The following BCORL1 variants were observed in gnomAD, a reference collection of about 807,000 sequenced individuals.
BCORL1 encodes BCL6 corepressor like 1.
A neutral mutation model predicts 87.6 loss-of-function variants in BCORL1; 7 were observed. The observed-to-expected ratio is 0.08, with a 90% CI of 0.05 to 0.15. BCORL1 has a LOEUF of 0.15. BCORL1 is among the 10% of genes least tolerant of loss of function. BCORL1 has a pLI of 1.00. For synonymous variants in BCORL1, 591 were observed against 634.4 expected (o/e 0.93, Z 1.03); for missense variants, 1,215 against 1,499.7 (o/e 0.81, Z 3.13).
At chrX:129,990,293 G>A (rs1019634396) in intron 1 of BCORL1, among the ~76,000 whole-genome samples, 23 of 110,271 alleles carry the variant, frequency 2.1e-4, no homozygotes, top group South Asian at 3.9e-4. Context: ...GTGCAGTGGC[G>A]CTATCTCGGC....
intron 1 of BCORL1, 65 bp from the exon 2 acceptor site, chrX:130,005,123 G>T: frequency 3.1e-6 from 2 of 635,363 alleles, no homozygotes; most frequent in Non-Finnish European, 4.9e-6. Context: ...ACATTGCTGT[G>T]TAAAAGGTGA....
chrX:129,993,466 G>T (rs1927333542), intron 1 of BCORL1, among the ~76,000 whole-genome samples: 2 of 112,281 alleles, frequency 1.8e-5, no homozygotes, highest in African/African-American at 6.5e-5. Context: ...CAGGAGGACT[G>T]CTTGAGGCCA....
At chrX:130,008,034 G>A (rs948012543) in intron 2 of BCORL1, among the ~76,000 whole-genome samples, 38 of 109,061 alleles carry the variant, frequency 3.5e-4, no homozygotes, top group African/African-American at 1.2e-3. Context: ...AGTGATTCTC[G>A]TGCATCAGCC....
Position 130,013,831 on chromosome X carries a change from G to T in BCORL1, c.1059G>T (p.Pro353=), listed in dbSNP as rs372535982. The T allele has an allele frequency of 5.2e-6, 6 of 1,164,821 alleles. No individual in the cohort carries two copies. The highest frequency in any genetic ancestry group is 6.9e-6 in the Non-Finnish European group (6 of 873,368). ...ASTPPAAPAP[P]SVPMPTPTPS... Reference sequence around the variant, plus strand: ...CGCCTCCAGCGGCCCCTGCCCCTCCGTCTGTGCCCATGCCCACTCCAACCC... The same window carrying T: ...CGCCTCCAGCGGCCCCTGCCCCTCCTTCTGTGCCCATGCCCACTCCAACCC... The change falls in exon 4 of 14, where the codon CCG becomes CCT. Residue 353 remains proline, a synonymous_variant. Coordinates refer to ENST00000540052, the MANE Select transcript of BCORL1 (RefSeq NM_001379451.1).
intron 4 of BCORL1, among the ~76,000 whole-genome samples, chrX:130,017,646 GTT>G (rs1325113903): frequency 2.0e-5 from 2 of 98,178 alleles, no homozygotes; most frequent in Non-Finnish European, 2.1e-5. Flanking sequence ...CTCTCTTTTT[GTT>G]TTTTTTTTTT....
At chrX:129,987,056 A>G (rs1243172528) in intron 1 of BCORL1, among the ~76,000 whole-genome samples, 3 of 111,406 alleles carry the variant, frequency 2.7e-5, no homozygotes, top group Admixed American at 9.6e-5. Flanking sequence ...GGTGATCATC[A>G]CTGGTCCCAT....
intron 2 of BCORL1, chrX:130,010,537 C>T (rs1293793208): frequency 9.0e-6 from 1 of 110,577 alleles, no homozygotes; most frequent in Non-Finnish European, 1.9e-5. Flanking sequence ...CCTCCCACTT[C>T]TGCCAGTCCA....
intron 1 of BCORL1, among the ~76,000 whole-genome samples, chrX:130,004,090 A>G (rs1430962617): frequency 9.0e-6 from 1 of 111,142 alleles, no homozygotes. Flanking sequence ...AGCTCATTGG[A>G]TAAAGGTTTT....
At chrX:129,984,816 G>A (rs1408826396) in intron 1 of BCORL1, among the ~76,000 whole-genome samples, 4 of 111,932 alleles carry the variant, frequency 3.6e-5, no homozygotes, top group Non-Finnish European at 7.5e-5. Context: ...CTCCCTGAGT[G>A]GAAGCACTAT....
Position 130,052,000 on chromosome X carries a change from G to A in BCORL1, c.5059G>A (p.Val1687Met). 8.3e-7 allele frequency: 1 copy of A among 1,198,619 alleles called. No individual in the cohort carries two copies. Among genetic ancestry groups the A allele is most frequent in the Non-Finnish European group, 1.1e-6 (1 of 889,032 alleles). Residue 1687 changes from valine to methionine, a missense_variant, in exon 13 of 14, where the codon GTG (valine) becomes ATG (methionine). By Grantham distance (21) the Val-to-Met change is conservative. Around this residue, in one of 5 missense-constraint regions of BCORL1, gnomAD observed 129 missense variants for 157.5 expected, o/e 0.82. Coordinates refer to ENST00000540052, the MANE Select transcript of BCORL1 (RefSeq NM_001379451.1). ...KPLLPCYNLQ[V>M]SVSRGPCNWF... ...TCTTCTCCCTTGCTACAACCTCCAA[G>A]TGTCAGTGTCCCGCGGGTAAGTGTC...
intron 10 of BCORL1, among the ~76,000 whole-genome samples, chrX:130,038,913 A>G (rs1931129114): frequency 9.0e-6 from 1 of 111,701 alleles, no homozygotes; most frequent in Admixed American, 9.5e-5. Flanking sequence ...GAGAGAGAGT[A>G]ATGGGAGGGA....
chrX:130,014,293 T>C lies in BCORL1; in HGVS notation c.1521T>C (p.Ser507=), dbSNP rs1314694916. 2 of 1,211,646 alleles carry C rather than the reference T, an allele frequency of 1.7e-6. No individual in the cohort carries two copies. The highest frequency in any genetic ancestry group is 3.0e-5 in the East Asian group (1 of 33,821). ...PELRSYPYAF[S]VARPLTSDSK... ...TCCGTTCTTACCCGTATGCATTTTCTGTGGCCCGGCCTCTGACTTCGGATT... is the reference window on the plus strand; with the variant it reads ...TCCGTTCTTACCCGTATGCATTTTCCGTGGCCCGGCCTCTGACTTCGGATT... The change falls in exon 4 of 14, where the codon TCT becomes TCC. Residue 507 remains serine, a synonymous_variant. Transcript: ENST00000540052.
intron 5 of BCORL1, 183 bp downstream of exon 5, chrX:130,021,333 C>A: frequency 1.4e-6 from 1 of 719,351 alleles, no homozygotes; most frequent in Non-Finnish European, 1.6e-6. Flanking sequence ...GATCGGGGGC[C>A]CCTTCTGCTC....
chrX:129,997,986 C>CATATAT lies in BCORL1; in HGVS notation c.-44-7187_-44-7182dup, dbSNP rs754498901. Reference sequence around the variant, plus strand: ...ATGTGCCTCCTAAATTGAAGTTTTACATATATATATATATATATATGTATT... The same window carrying CATATAT: ...ATGTGCCTCCTAAATTGAAGTTTTACATATATATATATATATATATATATATGTATT... On this transcript the variant is annotated intron_variant, in intron 1 of 13. Coordinates refer to ENST00000540052, the MANE Select transcript of BCORL1 (RefSeq NM_001379451.1). Among the ~76,000 whole-genome samples, 524 of 95,997 alleles carry CATATAT rather than the reference C, an allele frequency of 5.5e-3. 7 individuals are homozygous for CATATAT. The highest frequency in any genetic ancestry group is 0.019 in the African/African-American group (494 of 25,635). 83.4% of individuals were successfully genotyped at this position (95,997 alleles called of 115,157 possible).
At chrX:129,981,925 T>TGGGGG (rs56407321), upstream of BCORL1, 1 of 23,552 alleles carries the variant, frequency 4.2e-5, no homozygotes, top group African/African-American at 1.9e-4. Context: ...GCGACGACGG[T>TGGGGG]GGGGGGGGGA....
At chrX:130,031,538 C>G (rs1415622880) in intron 8 of BCORL1, among the ~76,000 whole-genome samples, 3 of 112,260 alleles carry the variant, frequency 2.7e-5, no homozygotes, top group East Asian at 5.6e-4. Context: ...AATCCCAGCA[C>G]TTTGGGAGGC....
Position 130,015,666 on chromosome X carries a change from T to C in BCORL1, c.2894T>C (p.Met965Thr), listed in dbSNP as rs1569370655. The change falls in exon 4 of 14, where the codon ATG becomes ACG. Residue 965 changes from methionine to threonine, a missense_variant. Met to Thr is a moderately conservative substitution (Grantham distance 81, BLOSUM62 -1). This residue lies in a region of BCORL1 where 861 missense variants were observed against 1,010.0 expected (regional missense o/e 0.85). Transcript: ENST00000540052. ...CTCTGCTCTGACAGCACTCCTAAGA[T>C]GGAAGGCCCCCAGGGGGCTTGTGGC... ...SHLCSDSTPK[M>T]EGPQGACGLK... The C allele has an allele frequency of 1.7e-6, 2 of 1,211,549 alleles. No individual in the cohort carries two copies. Among genetic ancestry groups the C allele is most frequent in the Non-Finnish European group, 2.2e-6 (2 of 895,410 alleles).
intron 11 of BCORL1, among the ~76,000 whole-genome samples, chrX:130,042,868 G>A (rs1931423530): frequency 9.2e-6 from 1 of 109,079 alleles, no homozygotes; most frequent in Admixed American, 9.8e-5. Context: ...AGCTACTCGG[G>A]AGGCTGAGGC....
At position 130,056,067 on chromosome X, in the gene BCORL1, G is replaced by A; in HGVS notation, c.5289G>A (p.Leu1763=). ...CAGGCTCCTCTGAGACTGTGGAGCT[G>A]GTGCGGTACGAGCCAGACCTACTTC... ...SPPGSSETVE[L]VRYEPDLLRL... Residue 1763 remains leucine (L), a synonymous_variant, in exon 14 of 14, where the codon CTG becomes CTA. Coordinates refer to ENST00000540052, the MANE Select transcript of BCORL1 (RefSeq NM_001379451.1). 1.2e-5 allele frequency: 15 copies of A among 1,209,862 alleles called. No homozygotes were observed. Among genetic ancestry groups the A allele is most frequent in the Non-Finnish European group, 1.7e-5 (15 of 894,228 alleles).
Sources: gnomAD v4.1 joint callset for allele counts (sites outside exome capture counted in the v4.1 genomes callset) on GRCh38, gnomAD v4.1.1 for gene constraint, gnomAD v4.1.1 regional missense constraint, MANE v1.5 for transcripts, NCBI Gene and HGNC (gene_info 2026-07-23, HGNC 2026-07-21) for gene names.